Variants in PDE4D observed in about 807,000 individuals in gnomAD.
The protein encoded by PDE4D is 3',5'-cyclic-AMP phosphodiesterase 4D.
PDE4D carries 24 observed loss-of-function variants against 87.4 expected under a neutral mutation model. The ratio of observed to expected loss-of-function variants is 0.27; its 90% confidence interval spans 0.20 to 0.39. PDE4D has a LOEUF of 0.39. Among genes scored for constraint, PDE4D ranks in the 10% least tolerant of loss-of-function variants. PDE4D has a pLI of 1.00. For synonymous variants in PDE4D, 384 were observed against 383.2 expected, an observed-to-expected ratio of 1.00 and a Z score of -0.02; for missense variants, 714 against 1,041.0, an observed-to-expected ratio of 0.69 and a Z score of 4.32.
At chr5:60,039,084 T>A (rs551410503) in intron 2 of PDE4D, among the ~76,000 whole-genome samples, 1 of 151,456 alleles carries the variant, frequency 6.6e-6, no homozygotes, top group Non-Finnish European at 1.5e-5. Context: ...ATGCCATTAC[T>A]GGGTATATAC....
At chr5:59,654,870 A>G (rs1416742716) in intron 1 of PDE4D, among the ~76,000 whole-genome samples, 1 of 152,188 alleles carries the variant, frequency 6.6e-6, no homozygotes, top group East Asian at 1.9e-4. Flanking sequence ...CAAGGTTTAT[A>G]CATGTAATAG....
At chr5:59,237,494 T>G (rs149395960) in intron 1 of PDE4D, among the ~76,000 whole-genome samples, 24 of 152,336 alleles carry the variant, frequency 1.6e-4, no homozygotes, top group African/African-American at 5.5e-4. Flanking sequence ...TGGTTAATGA[T>G]GAAGCTGAGA....
chr5:59,574,439 G>A (rs294502), intron 1 of PDE4D, among the ~76,000 whole-genome samples: 130,705 of 151,628 alleles, frequency 0.86, 56,474 homozygotes, highest in South Asian at 0.93. Flanking sequence ...AATCCTTACA[G>A]TAAATCTGGG....
chr5:59,225,395 T>C (rs371405112), intron 1 of PDE4D, among the ~76,000 whole-genome samples: 4 of 152,320 alleles, frequency 2.6e-5, no homozygotes, highest in African/African-American at 9.6e-5. Context: ...ATTGTTTTGA[T>C]TACTGTCACT....
At chr5:59,403,146 C>T (rs373369744) in intron 1 of PDE4D, among the ~76,000 whole-genome samples, 12,284 of 131,054 alleles carry the variant, frequency 0.094, 1,478 homozygotes, top group African/African-American at 0.29. Flanking sequence ...GGTAGGTAGA[C>T]AGACAGACAG....
intron 1 of PDE4D, among the ~76,000 whole-genome samples, chr5:59,386,545 T>TA (rs1326301465): frequency 4.6e-5 from 4 of 86,550 alleles, no homozygotes; most frequent in African/African-American, 1.4e-4. Flanking sequence ...CTGGGCATGG[T>TA]GGCTCATGTC....
At chr5:60,429,209 G>A (rs1743979323) in intron 1 of PDE4D, among the ~76,000 whole-genome samples, 2 of 152,278 alleles carry the variant, frequency 1.3e-5, no homozygotes, top group Admixed American at 1.3e-4. Context: ...TCTCATTGGA[G>A]AGCTCTTTCA....
At chr5:59,097,642 A>G (rs1769981109) in intron 5 of PDE4D, among the ~76,000 whole-genome samples, 1 of 152,222 alleles carries the variant, frequency 6.6e-6, no homozygotes, top group Non-Finnish European at 1.5e-5. Context: ...CTTCCCATTC[A>G]GCATGCACAA....
intron 1 of PDE4D, among the ~76,000 whole-genome samples, chr5:59,877,533 T>C (rs1748791220): frequency 6.7e-6 from 1 of 150,236 alleles, no homozygotes; most frequent in Non-Finnish European, 1.5e-5. Flanking sequence ...TAGATAAGTT[T>C]GCAGGGCATG....
chr5:60,108,181 G>T (rs1025222758), intron 2 of PDE4D, among the ~76,000 whole-genome samples: 2 of 151,720 alleles, frequency 1.3e-5, no homozygotes, highest in African/African-American at 4.8e-5. Context: ...CAAAATCAAT[G>T]TACAAAAATC....
chr5:60,081,368 G>T (rs1221308411), intron 2 of PDE4D, among the ~76,000 whole-genome samples: 1 of 148,018 alleles, frequency 6.8e-6, no homozygotes, highest in Non-Finnish European at 1.5e-5. Context: ...TTTTTGGAGA[G>T]TTTTTCATGT....
At chr5:59,963,967 A>G (rs73103303) in intron 3 of PDE4D, among the ~76,000 whole-genome samples, 2,746 of 152,254 alleles carry the variant, frequency 0.018, 83 homozygotes, top group African/African-American at 0.063. Flanking sequence ...TGCAAGTTCT[A>G]TGATTTTTGC....
chr5:59,210,631 A>G (rs561404019), intron 2 of PDE4D, among the ~76,000 whole-genome samples: 2 of 152,338 alleles, frequency 1.3e-5, no homozygotes, highest in East Asian at 1.9e-4. Context: ...CCAGCTTTTT[A>G]TGGTATATCA....
intron 1 of PDE4D, among the ~76,000 whole-genome samples, chr5:59,315,525 AAGGAATGTC>A (rs1773537665): frequency 6.6e-6 from 1 of 152,050 alleles, no homozygotes; most frequent in Non-Finnish European, 1.5e-5. Context: ...ATAGGGCCCC[AAGGAATGTC>A]AGGAGACAGT....
intron 1 of PDE4D, among the ~76,000 whole-genome samples, chr5:59,376,148 G>A (rs1393306938): frequency 1.3e-5 from 2 of 152,038 alleles, no homozygotes; most frequent in Non-Finnish European, 2.9e-5. Flanking sequence ...GCCCTCTCTC[G>A]CCTTTCCTAT....
intron 1 of PDE4D, among the ~76,000 whole-genome samples, chr5:59,391,348 G>C (rs1788202456): frequency 6.6e-6 from 1 of 152,152 alleles, no homozygotes; most frequent in South Asian, 2.1e-4. Flanking sequence ...TAGTTTGTCA[G>C]TAAAGTGTTG....
At chr5:60,311,166 G>A (rs2149813769) in intron 1 of PDE4D, among the ~76,000 whole-genome samples, 1 of 151,846 alleles carries the variant, frequency 6.6e-6, no homozygotes, top group African/African-American at 2.4e-5. Context: ...ACAGGCATGT[G>A]CCACCACGCC....
At chr5:60,397,797 T>A (rs1433975190) in intron 1 of PDE4D, among the ~76,000 whole-genome samples, 2 of 152,214 alleles carry the variant, frequency 1.3e-5, no homozygotes, top group African/African-American at 4.8e-5. Flanking sequence ...TATAATCTCA[T>A]CCTTTGTGCT....
At chr5:60,206,456 C>G (rs1259335253) in intron 1 of PDE4D, among the ~76,000 whole-genome samples, 1 of 152,162 alleles carries the variant, frequency 6.6e-6, no homozygotes, top group Non-Finnish European at 1.5e-5. Context: ...TTTGAAATTT[C>G]TAAATATTTG....
Sources: allele counts gnomAD v4.1 joint callset (sites outside exome capture counted in the v4.1 genomes callset), GRCh38; gene constraint gnomAD v4.1.1; transcripts MANE v1.5; gene names NCBI Gene and HGNC (gene_info 2026-07-23, HGNC 2026-07-21).